Variants in PCP4L1 observed in about 807,000 individuals in gnomAD.
PCP4L1 encodes Purkinje cell protein 4 like 1, also known as Purkinje cell protein 4-like protein 1.
PCP4L1 carries 9 observed loss-of-function variants against 9.6 expected under a neutral mutation model. The ratio of observed to expected loss-of-function variants is 0.94; its 90% CI spans 0.57 to 1.64. PCP4L1 has a LOEUF of 1.64. PCP4L1 is among the 40% of genes most tolerant of loss of function. PCP4L1 has a pLI of 0.00. For missense variants in PCP4L1, 81 were observed against 80.8 expected (o/e 1.00, Z -0.01); for synonymous variants, 31 against 28.2 (o/e 1.10, Z -0.31).
chr1:161,268,811 A>T (rs1217086156), intron 1 of PCP4L1, among the ~76,000 whole-genome samples: 1 of 152,224 alleles, frequency 6.6e-6, no homozygotes, highest in Non-Finnish European at 1.5e-5. Context: ...GGGCTCCCAA[A>T]GCCCTGGGAT....
intron 1 of PCP4L1, among the ~76,000 whole-genome samples, chr1:161,270,407 G>A (rs767842644): frequency 5.3e-5 from 8 of 152,128 alleles, no homozygotes; most frequent in Non-Finnish European, 1.2e-4. Flanking sequence ...GTGTTAGGGT[G>A]TGCAATGGTC....
At chr1:161,263,745 T>A (rs921460649) in intron 1 of PCP4L1, among the ~76,000 whole-genome samples, 1 of 151,236 alleles carries the variant, frequency 6.6e-6, no homozygotes, top group African/African-American at 2.4e-5. Flanking sequence ...CCATGCCTGC[T>A]TAATTTTTTT....
At chr1:161,283,369 A>G (rs1669855227) in intron 1 of PCP4L1, among the ~76,000 whole-genome samples, 1 of 152,152 alleles carries the variant, frequency 6.6e-6, no homozygotes, top group East Asian at 1.9e-4. Context: ...AGCACTTATC[A>G]TCATAGTAGT....
intron 1 of PCP4L1, among the ~76,000 whole-genome samples, chr1:161,272,453 G>A (rs1669639051): frequency 6.6e-6 from 1 of 151,582 alleles, no homozygotes. Context: ...AGCTACGCGG[G>A]AGGCTGAGGC....
intron 1 of PCP4L1, among the ~76,000 whole-genome samples, chr1:161,270,528 C>T (rs1287167774): frequency 8.4e-6 from 1 of 118,764 alleles, no homozygotes. Flanking sequence ...GCAGAGCCCT[C>T]ATAAATGGGA....
chr1:161,268,551 C>CTTTTTTTTTTTTTT, intron 1 of PCP4L1, among the ~76,000 whole-genome samples: 1 of 114,052 alleles, frequency 8.8e-6, no homozygotes, highest in South Asian at 2.8e-4. Flanking sequence ...TTCCTTTTAC[C>CTTTTTTTTTTTTTT]TTTTTTTTTT....
intron 1 of PCP4L1, among the ~76,000 whole-genome samples, chr1:161,273,231 A>G (rs1424650663): frequency 6.6e-6 from 1 of 152,178 alleles, no homozygotes; most frequent in African/African-American, 2.4e-5. Flanking sequence ...GAAAGCAACT[A>G]AAACCCTCTA....
intron 1 of PCP4L1, among the ~76,000 whole-genome samples, 166 bp downstream of exon 1, chr1:161,259,149 G>A (rs1349297142): frequency 3.3e-5 from 5 of 152,274 alleles, no homozygotes; most frequent in Non-Finnish European, 7.4e-5. Context: ...GGGGCGCTGG[G>A]AAACGATTGG....
intron 1 of PCP4L1, among the ~76,000 whole-genome samples, chr1:161,278,169 A>G (rs1669733430): frequency 6.6e-6 from 1 of 152,072 alleles, no homozygotes. Flanking sequence ...ATCTCCAACT[A>G]ATGTCCAATT....
chr1:161,284,593 A>G lies in PCP4L1; in HGVS notation c.*112A>G. The G allele has an allele frequency of 7.1e-7, 1 of 1,400,320 alleles. No individual in the cohort carries two copies. The allele number at this position is 1,400,320 out of a possible 1,614,324, so 86.7% of individuals were successfully genotyped here. A position where few individuals can be genotyped will look rare whatever the true frequency, so the allele number is the denominator to read the frequency against. Reference sequence around the variant, plus strand: ...TCTAGCCTTTCCTTGAGGCAAGTTCAACCTTTATATACTCTTGTATCTGGC... The same window carrying G: ...TCTAGCCTTTCCTTGAGGCAAGTTCGACCTTTATATACTCTTGTATCTGGC... On this transcript the variant is annotated 3_prime_UTR_variant, in exon 3 of 3. Transcript: ENST00000504449.
At chr1:161,277,829 C>T (rs1445729933) in intron 1 of PCP4L1, among the ~76,000 whole-genome samples, 1 of 152,152 alleles carries the variant, frequency 6.6e-6, no homozygotes, top group South Asian at 2.1e-4. Context: ...TTAATACTTC[C>T]GTGCCTTCTT....
Position 161,277,394 on chromosome 1 carries a change from T to C in PCP4L1, c.10-6274T>C, listed in dbSNP as rs1669717058. Reference sequence around the variant, plus strand: ...ACCTGGGTTCCAAAGCCAGGTTCACTGTTTTCTATTGTGTGATTTGACTTG... The same window carrying C: ...ACCTGGGTTCCAAAGCCAGGTTCACCGTTTTCTATTGTGTGATTTGACTTG... On this transcript the variant is annotated intron_variant, in intron 1 of 2. Transcript: ENST00000504449. Among the ~76,000 whole-genome samples, 5 of 152,336 alleles carry C rather than the reference T, an allele frequency of 3.3e-5. No individual in the cohort carries two copies. In the South Asian group the frequency reaches 1.0e-3, roughly 32 times the overall value.
At chr1:161,273,268 A>T (rs930969843) in intron 1 of PCP4L1, among the ~76,000 whole-genome samples, 2 of 152,148 alleles carry the variant, frequency 1.3e-5, no homozygotes, top group African/African-American at 2.4e-5. Flanking sequence ...GAAAAGAAGG[A>T]GTTGATGGGC....
intron 1 of PCP4L1, among the ~76,000 whole-genome samples, chr1:161,263,459 G>A (rs1248327649): frequency 2.0e-5 from 3 of 152,044 alleles, no homozygotes; most frequent in Admixed American, 6.6e-5. Flanking sequence ...GACTGGTCTC[G>A]AACTCCTGAC....
chr1:161,281,789 G>A (rs1399791185), intron 1 of PCP4L1, among the ~76,000 whole-genome samples: 1 of 20,798 alleles, frequency 4.8e-5, no homozygotes, highest in Admixed American at 6.0e-4. Flanking sequence ...ATCCCGGACG[G>A]GGCGGCGGGG....
intron 1 of PCP4L1, among the ~76,000 whole-genome samples, chr1:161,281,268 G>A (rs1413305984): frequency 6.6e-5 from 10 of 151,936 alleles, no homozygotes; most frequent in Non-Finnish European, 1.2e-4. Context: ...GCAACCATCC[G>A]ATTTCTCAAT....
chr1:161,259,189 T>A (rs1308833818), intron 1 of PCP4L1, among the ~76,000 whole-genome samples: 5 of 152,122 alleles, frequency 3.3e-5, no homozygotes, highest in Non-Finnish European at 5.9e-5. Context: ...CTCCCTACTG[T>A]GGACGGCGCT....
At chr1:161,280,988 G>A (rs983014873) in intron 1 of PCP4L1, among the ~76,000 whole-genome samples, 12 of 152,098 alleles carry the variant, frequency 7.9e-5, no homozygotes, top group Non-Finnish European at 4.4e-5. Flanking sequence ...GGACCCTGAG[G>A]CCTTCTGCAG....
chr1:161,281,132 A>C (rs1669788577), intron 1 of PCP4L1, among the ~76,000 whole-genome samples: 1 of 152,288 alleles, frequency 6.6e-6, no homozygotes, highest in African/African-American at 2.4e-5. Flanking sequence ...GACACAGCAC[A>C]TGTTTCAGAG....
Sources: gnomAD v4.1 joint callset for allele counts (sites outside exome capture counted in the v4.1 genomes callset) on GRCh38, gnomAD v4.1.1 for gene constraint, MANE v1.5 for transcripts, NCBI Gene and HGNC (gene_info 2026-07-23, HGNC 2026-07-21) for gene names.